SPON1: variants seen among roughly 807,000 people sequenced by gnomAD.
SPON1 encodes spondin-1.
In SPON1, 52 loss-of-function variants were observed where a neutral mutation model predicts 111.7. The ratio of observed to expected loss-of-function variants is 0.47; its 90% CI spans 0.37 to 0.59. The LOEUF (loss-of-function observed/expected upper bound fraction) is 0.59, where lower values mean the gene tolerates loss of function less well. Among genes scored for constraint, SPON1 ranks in the 20% least tolerant of loss-of-function variants. SPON1 has a pLI of 0.00. For synonymous variants in SPON1, 410 were observed against 395.8 expected (o/e 1.04, Z -0.43); for missense variants, 957 against 1,068.5 (o/e 0.90, Z 1.46).
intron 2 of SPON1, among the ~76,000 whole-genome samples, chr11:14,032,311 AT>A (rs35290342): frequency 6.6e-6 from 1 of 151,982 alleles, no homozygotes; most frequent in African/African-American, 2.4e-5. Flanking sequence ...TTTGTTTCAT[AT>A]TTTTTGCTCC....
intron 6 of SPON1, among the ~76,000 whole-genome samples, chr11:14,160,953 T>A (rs1437999449): frequency 2.2e-4 from 5 of 23,010 alleles, no homozygotes; most frequent in African/African-American, 9.6e-4. Flanking sequence ...ATTTATATAT[T>A]TATATATATT....
chr11:13,990,913 G>T (rs1244345394), intron 2 of SPON1, among the ~76,000 whole-genome samples: 1 of 152,168 alleles, frequency 6.6e-6, no homozygotes, highest in Non-Finnish European at 1.5e-5. Flanking sequence ...ACTCTCTTCT[G>T]GCTTATAGGG....
chr11:14,151,774 CA>C (rs1847790915), intron 6 of SPON1, among the ~76,000 whole-genome samples: 1 of 152,112 alleles, frequency 6.6e-6, no homozygotes, highest in Non-Finnish European at 1.5e-5. Flanking sequence ...TAGAAATATA[CA>C]AATCAAAGAT....
chr11:14,134,600 A>G (rs782686620), intron 5 of SPON1, among the ~76,000 whole-genome samples: 2 of 152,248 alleles, frequency 1.3e-5, no homozygotes, highest in South Asian at 2.1e-4. Context: ...TGAAATGTAC[A>G]TAGAAGTCAG....
At chr11:14,133,821 G>T (rs1257526285) in intron 5 of SPON1, among the ~76,000 whole-genome samples, 1 of 152,198 alleles carries the variant, frequency 6.6e-6, no homozygotes, top group Admixed American at 6.5e-5. Flanking sequence ...CATGGGGTCT[G>T]CATTTTCCCG....
At chr11:14,241,353 T>C (rs1309264914) in intron 6 of SPON1, among the ~76,000 whole-genome samples, 1 of 151,886 alleles carries the variant, frequency 6.6e-6, no homozygotes, top group Non-Finnish European at 1.5e-5. Flanking sequence ...GTCATGGAAG[T>C]TGTGAGGAGC....
intron 3 of SPON1, among the ~76,000 whole-genome samples, chr11:14,073,625 G>A (rs568456647): frequency 5.0e-4 from 76 of 152,124 alleles, no homozygotes; most frequent in Admixed American, 2.1e-3. Context: ...GCCTTTCCCA[G>A]CATGGTTAGG....
chr11:14,026,110 A>G (rs1227959443), intron 2 of SPON1, among the ~76,000 whole-genome samples: 1 of 152,180 alleles, frequency 6.6e-6, no homozygotes, highest in Admixed American at 6.5e-5. Flanking sequence ...TTCCAGCTCA[A>G]TTGCCTCCCT....
chr11:14,210,565 AATTTTTAT>A (rs1848565513), intron 6 of SPON1, among the ~76,000 whole-genome samples: 1 of 151,854 alleles, frequency 6.6e-6, no homozygotes, highest in Admixed American at 6.6e-5. Context: ...ATGCCTGGCT[AATTTTTAT>A]AGTTTTAGTA....
chr11:14,108,288 T>G (rs1305211402), intron 5 of SPON1, among the ~76,000 whole-genome samples: 1 of 152,232 alleles, frequency 6.6e-6, no homozygotes, highest in Non-Finnish European at 1.5e-5. Context: ...AAGGACTGTG[T>G]TAGCTATGGC....
chr11:14,160,620 T>TATATATATTTATATATATTTAC (rs1847915243), intron 6 of SPON1, among the ~76,000 whole-genome samples: 2 of 24,176 alleles, frequency 8.3e-5, no homozygotes, highest in African/African-American at 1.3e-4. Flanking sequence ...TATATATTTA[T>TATATATATTTATATATATTTAC]ATATATATTT....
At chr11:14,211,298 C>T (rs1291871690) in intron 6 of SPON1, among the ~76,000 whole-genome samples, 5 of 152,156 alleles carry the variant, frequency 3.3e-5, no homozygotes, top group African/African-American at 1.2e-4. Flanking sequence ...GATACAAAAT[C>T]AGTGTGCAAA....
chr11:14,057,720 G>T lies in SPON1; in HGVS notation c.479+16066G>T, dbSNP rs1208115202. Among the ~76,000 whole-genome samples the T allele has an allele frequency of 2.0e-5, 3 of 151,358 alleles. No individual in the cohort carries two copies. The Admixed American group carries it at 2.0e-4, about 10-fold the overall frequency. ...AAATTAAAAAGATTCAGGGTTGCCAGACACAGTGGCTCATCTGTAATCCCA... is the reference window on the plus strand; with the variant it reads ...AAATTAAAAAGATTCAGGGTTGCCATACACAGTGGCTCATCTGTAATCCCA... On this transcript the variant is annotated intron_variant, in intron 3 of 15. Coordinates refer to ENST00000576479, the MANE Select transcript of SPON1 (RefSeq NM_006108.4).
rs1290567354 is a variant in SPON1, at chr11:14,161,490, T to C, written c.825+25922T>C. On this transcript the variant is annotated intron_variant, in intron 6 of 15. Coordinates refer to ENST00000576479, the MANE Select transcript of SPON1 (RefSeq NM_006108.4). ...CACACCATCACACCCAGATAATTTT[T>C]ATATTTTTAGTAGAGACGGGCTTTC... 5.3e-5 allele frequency among the ~76,000 whole-genome samples: 8 copies of C among 150,902 alleles called. No homozygotes were observed. The Admixed American group carries it at 5.3e-4, about 10-fold the overall frequency.
intron 5 of SPON1, among the ~76,000 whole-genome samples, chr11:14,117,514 T>TAACAAGGG (rs1849275639): frequency 6.6e-6 from 1 of 152,234 alleles, no homozygotes; most frequent in African/African-American, 2.4e-5. Flanking sequence ...CCTTGTATTC[T>TAACAAGGG]TGGAATAAAC....
At chr11:14,241,107 C>T (rs1221935239) in intron 6 of SPON1, among the ~76,000 whole-genome samples, 19 of 151,870 alleles carry the variant, frequency 1.3e-4, no homozygotes, top group Non-Finnish European at 2.9e-5. Flanking sequence ...ACATGTGCAT[C>T]GTAGAAGATC....
Position 14,259,768 on chromosome 11 carries a change from A to T in SPON1, c.1831+67A>T, listed in dbSNP as rs782639467. ...ACAGGCGTGGAGGGCCATGGCATCC[A>T]CTATTACCACCATAAAGGTCGGAGG... is the stretch of plus-strand genomic sequence containing the variant. On this transcript the variant is annotated intron_variant, in intron 13 of 15. Coordinates refer to ENST00000576479, the MANE Select transcript of SPON1 (RefSeq NM_006108.4). The surrounding 1 kb of genome is among the most constrained non-coding windows in gnomAD (Gnocchi z 5.0). The T allele has an allele frequency of 2.0e-6, 3 of 1,481,068 alleles. No homozygotes were observed. In the African/African-American group the frequency reaches 4.2e-5, roughly 21 times the overall value. The allele number at this position is 1,481,068 out of a possible 1,614,324, so 91.7% of individuals were successfully genotyped here. A position where few individuals can be genotyped will look rare whatever the true frequency, so the allele number is the denominator to read the frequency against.
In SPON1 at chr11:14,265,731, C is replaced by G; in HGVS notation, c.*44C>G. On this transcript the variant is annotated 3_prime_UTR_variant, in exon 16 of 16. Coordinates refer to ENST00000576479, the MANE Select transcript of SPON1 (RefSeq NM_006108.4). ...AGGGCTGCACTCTAGATTCCAGAGTCACCAATGGCTGGATTATTTGCTTGT... is the reference window on the plus strand; with the variant it reads ...AGGGCTGCACTCTAGATTCCAGAGTGACCAATGGCTGGATTATTTGCTTGT... The G allele has an allele frequency of 6.3e-7, 1 of 1,582,878 alleles. No individual in the cohort carries two copies. Among genetic ancestry groups the G allele is most frequent in the Non-Finnish European group, 8.6e-7 (1 of 1,160,424 alleles).
chr11:14,002,941 C>T (rs1393532719), intron 2 of SPON1, among the ~76,000 whole-genome samples: 3 of 152,154 alleles, frequency 2.0e-5, no homozygotes, highest in South Asian at 2.1e-4. Context: ...TGCCCCACCT[C>T]GACAGCCAAG....
Sources: allele counts gnomAD v4.1 joint callset (sites outside exome capture counted in the v4.1 genomes callset), GRCh38; gene constraint gnomAD v4.1.1; non-coding constraint Gnocchi (gnomAD v3.1); transcripts MANE v1.5; gene names NCBI Gene and HGNC (gene_info 2026-07-23, HGNC 2026-07-21).